NKD1: variants seen among roughly 807,000 people sequenced by gnomAD.
The protein encoded by NKD1 is protein naked cuticle homolog 1.
Under a neutral mutation model 56.0 loss-of-function variants are expected in NKD1, and 21 were observed. The ratio of observed to expected loss-of-function variants is 0.38; its 90% CI spans 0.27 to 0.54. NKD1 has a LOEUF of 0.54. Among genes scored for constraint, NKD1 ranks in the 20% least tolerant of loss-of-function variants. NKD1 has a pLI of 0.82. For synonymous variants in NKD1, 263 were observed against 265.7 expected, an observed-to-expected ratio of 0.99 and a Z score of 0.10; for missense variants, 578 against 642.7, an observed-to-expected ratio of 0.90 and a Z score of 1.09.
Position 50,621,713 on chromosome 16 carries a change from G to C in NKD1, c.366+5G>C. The C allele has an allele frequency of 1.2e-6, 2 of 1,610,622 alleles. No individual in the cohort carries two copies. Among genetic ancestry groups the C allele is most frequent in the African/African-American group, 1.3e-5 (1 of 75,004 alleles). On this transcript the variant is annotated splice_donor_5th_base_variant and intron_variant, in intron 5 of 9. Coordinates refer to ENST00000268459, the MANE Select transcript of NKD1 (RefSeq NM_033119.5). ...AAGAAGCAGCTGAAGTTTGAAGTAA[G>C]TTTCCTTTTGGTGCTGGGTCCTGAG...
chr16:50,577,717 G>A (rs550653591), intron 3 of NKD1, among the ~76,000 whole-genome samples: 73 of 152,178 alleles, frequency 4.8e-4, no homozygotes, highest in African/African-American at 1.8e-3. Context: ...GCTTCTTTGA[G>A]TTTGCCCATT....
At chr16:50,618,023 G>A (rs34457597) in intron 4 of NKD1, among the ~76,000 whole-genome samples, 105 of 152,312 alleles carry the variant, frequency 6.9e-4, no homozygotes, top group Non-Finnish European at 1.3e-3. Context: ...GCATGGCTGT[G>A]TCCCAATAAA....
intron 7 of NKD1, 77 bp from the exon 8 acceptor site, chr16:50,630,749 G>T (rs1360751160): frequency 3.4e-5 from 44 of 1,297,886 alleles, no homozygotes; most frequent in Middle Eastern, 4.7e-4. Context: ...CAAAGCAGCT[G>T]CACGCCAGGC....
chr16:50,590,107 A>T (rs1961331164), intron 3 of NKD1, among the ~76,000 whole-genome samples: 1 of 152,074 alleles, frequency 6.6e-6, no homozygotes, highest in Admixed American at 6.5e-5. Flanking sequence ...GGCCTCCCAA[A>T]GTGCTGGGAT....
intron 3 of NKD1, among the ~76,000 whole-genome samples, chr16:50,592,591 G>A (rs995950812): frequency 6.6e-5 from 10 of 152,210 alleles, no homozygotes; most frequent in East Asian, 3.9e-4. Context: ...GAGTTTAGCC[G>A]GCTGGGGAGC....
intron 3 of NKD1, among the ~76,000 whole-genome samples, chr16:50,561,552 C>T (rs1241971148): frequency 6.6e-6 from 1 of 152,134 alleles, no homozygotes; most frequent in African/African-American, 2.4e-5. Context: ...GCAGCAGCTC[C>T]AAATAAGTGA....
chr16:50,549,312 C>A, intron 2 of NKD1, 110 bp from the exon 3 acceptor site: 17 of 1,396,408 alleles, frequency 1.2e-5, no homozygotes, highest in Non-Finnish European at 1.5e-5. Flanking sequence ...CCCCTCCTGG[C>A]CCCCGTGCCG....
intron 5 of NKD1, 93 bp downstream of exon 5, chr16:50,621,801 C>A (rs956226287): frequency 3.3e-6 from 3 of 897,670 alleles, no homozygotes; most frequent in South Asian, 1.6e-5. Context: ...CTCTTCCAGA[C>A]AGGAAGGCCC....
At chr16:50,620,959 A>T (rs1204147061) in intron 4 of NKD1, among the ~76,000 whole-genome samples, 2 of 152,034 alleles carry the variant, frequency 1.3e-5, no homozygotes, top group African/African-American at 2.4e-5. Context: ...TGTATGTGTG[A>T]GTGTGTGTGC....
chr16:50,645,847 CAGAG>C lies in NKD1; in HGVS notation c.*12070_*12073del, dbSNP rs1962667925. The C allele has an allele frequency of 6.6e-6, 1 of 152,150 alleles. No individual in the cohort carries two copies. Among genetic ancestry groups the C allele is most frequent in the Non-Finnish European group, 1.5e-5 (1 of 68,036 alleles). 9.4% of individuals were successfully genotyped at this position (152,150 alleles called of 1,614,324 possible). A position where few individuals can be genotyped will look rare whatever the true frequency, so the allele number is the denominator to read the frequency against. ...GTTGGCAAGAAAGAAAGGGCAAAGA[CAGAG>C]AGACTGGGAGAGAAAGAGGCCCCAA... On this transcript the variant is annotated 3_prime_UTR_variant, in exon 10 of 10. Coordinates refer to ENST00000268459, the MANE Select transcript of NKD1 (RefSeq NM_033119.5).
intron 3 of NKD1, among the ~76,000 whole-genome samples, chr16:50,589,954 C>T (rs1961328777): frequency 6.6e-6 from 1 of 152,010 alleles, no homozygotes; most frequent in African/African-American, 2.4e-5. Context: ...CTCAAGCAAT[C>T]CTCCTGCCTC....
chr16:50,554,324 GTGT>G (rs751427816), intron 3 of NKD1, among the ~76,000 whole-genome samples: 1 of 152,212 alleles, frequency 6.6e-6, no homozygotes, highest in Non-Finnish European at 1.5e-5. Flanking sequence ...TCGATGGACA[GTGT>G]TGTTGTTTGT....
chr16:50,632,243 G>A lies in NKD1; in HGVS notation c.696-38G>A. 3.1e-6 allele frequency: 5 copies of A among 1,610,506 alleles called. No individual in the cohort carries two copies. Among genetic ancestry groups the A allele is most frequent in the Middle Eastern group, 1.7e-4 (1 of 5,972 alleles). On this transcript the variant is annotated intron_variant, in intron 8 of 9. Transcript: ENST00000268459. This position sits in a 1 kb window ranked among gnomAD's most constrained non-coding sequence, Gnocchi z 4.1. Reference sequence around the variant, plus strand: ...CCTATGCGCTTGCCCCCACCTGGTGGTTGGTGTTATCCCACTCACTTGCCT... The same window carrying A: ...CCTATGCGCTTGCCCCCACCTGGTGATTGGTGTTATCCCACTCACTTGCCT...
intron 3 of NKD1, among the ~76,000 whole-genome samples, chr16:50,581,881 G>A (rs1961124483): frequency 6.6e-6 from 1 of 152,212 alleles, no homozygotes; most frequent in South Asian, 2.1e-4. Context: ...AGGGCAGGGT[G>A]GTTCAGGAGG....
intron 3 of NKD1, among the ~76,000 whole-genome samples, chr16:50,578,065 T>G (rs1363122268): frequency 6.6e-6 from 1 of 152,224 alleles, no homozygotes; most frequent in Non-Finnish European, 1.5e-5. Flanking sequence ...TTATCACTCA[T>G]GGACCAGTCC....
At chr16:50,619,832 G>A (rs11864340) in intron 4 of NKD1, among the ~76,000 whole-genome samples, 9,637 of 152,228 alleles carry the variant, frequency 0.063, 656 homozygotes, top group African/African-American at 0.17. Flanking sequence ...GAACCCACGT[G>A]GAGATGACCA....
At position 50,630,874 on chromosome 16, in the gene NKD1, T is replaced by C; in HGVS notation, c.659T>C (p.Leu220Pro). The C allele has an allele frequency of 6.2e-7, 1 of 1,606,226 alleles. No homozygotes were observed. The highest frequency in any genetic ancestry group is 1.7e-5 in the Admixed American group (1 of 59,126). ...GCAGAGACCAAGCCCACTGAGGACC[T>C]GCGGAGCTGGGAGAAGAAGCAGCGA... is the stretch of plus-strand genomic sequence containing the variant. ...PRAETKPTED[L>P]RSWEKKQRAP... is the part of the protein sequence containing the mutation. The change falls in exon 8 of 10, where the codon CTG becomes CCG. Residue 220 changes from leucine (L) to proline (P), a missense_variant. Coordinates refer to ENST00000268459, the MANE Select transcript of NKD1 (RefSeq NM_033119.5).
intron 3 of NKD1, among the ~76,000 whole-genome samples, chr16:50,572,309 A>AG (rs1374653545): frequency 6.6e-6 from 1 of 152,150 alleles, no homozygotes; most frequent in African/African-American, 2.4e-5. Context: ...CTCTGGTGGC[A>AG]GGGGGCAGGA....
chr16:50,565,399 C>T (rs1053401458), intron 3 of NKD1, among the ~76,000 whole-genome samples: 1 of 151,464 alleles, frequency 6.6e-6, no homozygotes, highest in Non-Finnish European at 1.5e-5. Flanking sequence ...GATATAGAAG[C>T]CAGGTGCAGT....
Sources: gnomAD v4.1 joint callset for allele counts (sites outside exome capture counted in the v4.1 genomes callset) on GRCh38, gnomAD v4.1.1 for gene constraint, Gnocchi (gnomAD v3.1) non-coding constraint, MANE v1.5 for transcripts, NCBI Gene and HGNC (gene_info 2026-07-23, HGNC 2026-07-21) for gene names.